Variants in CPVL observed in about 807,000 individuals in gnomAD.
CPVL encodes probable serine carboxypeptidase CPVL.
In CPVL, 51 loss-of-function variants were observed where a neutral mutation model predicts 63.7. The observed-to-expected ratio is 0.80, with a 90% CI of 0.64 to 1.01. The LOEUF (loss-of-function observed/expected upper bound fraction) is 1.01, where lower values mean the gene tolerates loss of function less well. Ranked by LOEUF, CPVL falls within the 50% of genes least tolerant of loss-of-function variation. The pLI, the probability that CPVL is intolerant of heterozygous loss-of-function variation, is 0.00. For missense variants in CPVL, 530 were observed against 573.1 expected (o/e 0.92, Z 0.77); for synonymous variants, 195 against 206.0 (o/e 0.95, Z 0.46).
Position 29,072,426 on chromosome 7 carries a change from G to A in CPVL, c.610-3C>T. 2 of 1,612,528 alleles carry A rather than the reference G, an allele frequency of 1.2e-6. No individual in the cohort carries two copies. Among genetic ancestry groups the A allele is most frequent in the South Asian group, 2.2e-5 (2 of 90,540 alleles). ...GGCACATATTTCCCTGCATAAGACT[G>A]AGAAGGACAGATGTTGAAATGGCCA... On this transcript the variant is annotated splice_region_variant and splice_polypyrimidine_tract_variant and intron_variant, in intron 7 of 12. Coordinates refer to ENST00000265394, the MANE Select transcript of CPVL (RefSeq NM_031311.5).
At chr7:29,039,500 G>C (rs565136162) in intron 11 of CPVL, among the ~76,000 whole-genome samples, 25 of 152,286 alleles carry the variant, frequency 1.6e-4, no homozygotes, top group African/African-American at 6.0e-4. Context: ...GGTGAAAAAA[G>C]AACTCTGTGC....
intron 3 of CPVL, among the ~76,000 whole-genome samples, chr7:29,098,798 C>T (rs894535432): frequency 2.6e-5 from 4 of 152,174 alleles, no homozygotes; most frequent in Non-Finnish European, 5.9e-5. Context: ...CACGGTGGCT[C>T]GTGCCTGTAA....
intron 12 of CPVL, among the ~76,000 whole-genome samples, chr7:29,015,629 A>G (rs904089350): frequency 6.6e-6 from 1 of 152,160 alleles, no homozygotes; most frequent in African/African-American, 2.4e-5. Context: ...CTGTGAGCCA[A>G]TTAAACCTCT....
At chr7:29,172,195 A>G (rs1380362607) in intron 5 of CPVL, among the ~76,000 whole-genome samples, 1 of 152,118 alleles carries the variant, frequency 6.6e-6, no homozygotes, top group Non-Finnish European at 1.5e-5. Context: ...TTAATGGGGC[A>G]TCTTACTGTA....
intron 1 of CPVL, chr7:29,193,285 A>G (rs1476433763): frequency 6.6e-6 from 1 of 152,104 alleles, no homozygotes; most frequent in African/African-American, 2.4e-5. Flanking sequence ...CTAATCAACT[A>G]GAAAATGTGA....
intron 3 of CPVL, among the ~76,000 whole-genome samples, chr7:29,103,181 G>GGGGGGC (rs1554339874): frequency 2.4e-4 from 2 of 8,188 alleles, no homozygotes; most frequent in Admixed American, 2.1e-3. Context: ...TTAATATACT[G>GGGGGGC]GGGGGGGGGG....
chr7:29,013,343 AAAT>A (rs1323092623), intron 12 of CPVL: 1 of 152,094 alleles, frequency 6.6e-6, no homozygotes, highest in African/African-American at 2.4e-5. Flanking sequence ...TATTTGTGAG[AAAT>A]AATAAATTGT....
chr7:29,123,077 C>A (rs1382672576), intron 1 of CPVL, among the ~76,000 whole-genome samples: 2 of 152,114 alleles, frequency 1.3e-5, no homozygotes, highest in Non-Finnish European at 2.9e-5. Context: ...AAGAGATACA[C>A]AATTATGCAA....
At chr7:29,075,542 T>C (rs1190085927) in intron 7 of CPVL, among the ~76,000 whole-genome samples, 1 of 119,510 alleles carries the variant, frequency 8.4e-6, no homozygotes, top group Non-Finnish European at 1.7e-5. Flanking sequence ...AAAAAAGCCA[T>C]CACTGACAGT....
chr7:29,044,185 CAGGAGTTCAAGACCTGAAGTG>C (rs1197219749), intron 11 of CPVL, among the ~76,000 whole-genome samples: 2 of 152,110 alleles, frequency 1.3e-5, no homozygotes, highest in Non-Finnish European at 2.9e-5. Context: ...GAGGCCGAGG[CAGGAGTTCAAGACCTGAAGTG>C]AGGAGTTCAA....
chr7:29,079,885 GTTTAATTTA>G (rs1784536055), intron 7 of CPVL, among the ~76,000 whole-genome samples: 3 of 152,186 alleles, frequency 2.0e-5, no homozygotes, highest in Non-Finnish European at 4.4e-5. Flanking sequence ...ACCCTATTGG[GTTTAATTTA>G]TCAGATCCTT....
intron 11 of CPVL, among the ~76,000 whole-genome samples, chr7:29,048,463 G>C (rs1294455111): frequency 1.3e-5 from 2 of 152,026 alleles, no homozygotes; most frequent in Admixed American, 1.3e-4. Flanking sequence ...AAGAGACAAA[G>C]AAGGACATTA....
At chr7:29,034,605 TC>T (rs1265066958) in intron 11 of CPVL, among the ~76,000 whole-genome samples, 1 of 151,974 alleles carries the variant, frequency 6.6e-6, no homozygotes, top group Non-Finnish European at 1.5e-5. Flanking sequence ...TATGTGTTGT[TC>T]CCCCCATGTG....
At chr7:29,003,051 C>A (rs1784812446) in intron 12 of CPVL, among the ~76,000 whole-genome samples, 1 of 151,818 alleles carries the variant, frequency 6.6e-6, no homozygotes, top group African/African-American at 2.4e-5. Context: ...TTTTGAGAAG[C>A]TCTATGAATC....
chr7:29,139,472 C>T (rs1791609077), intron 1 of CPVL, among the ~76,000 whole-genome samples: 1 of 150,964 alleles, frequency 6.6e-6, no homozygotes. Context: ...GTGCCCTGAA[C>T]CTACACATTT....
At chr7:29,174,054 C>T (rs35691739) in intron 5 of CPVL, among the ~76,000 whole-genome samples, 17,910 of 152,054 alleles carry the variant, frequency 0.12, 1,235 homozygotes, top group African/African-American at 0.18. Context: ...CACACACTCC[C>T]AAGCTTCTCT....
chr7:29,025,179 A>G (rs542371896), intron 12 of CPVL, among the ~76,000 whole-genome samples: 3 of 152,348 alleles, frequency 2.0e-5, no homozygotes, highest in South Asian at 2.1e-4. Flanking sequence ...GCGTTAGGCC[A>G]TTCTGCATCA....
chr7:29,077,220 C>T (rs1784325105), intron 7 of CPVL, among the ~76,000 whole-genome samples: 1 of 152,118 alleles, frequency 6.6e-6, no homozygotes, highest in Admixed American at 6.6e-5. Flanking sequence ...ACAATGTCCT[C>T]TTACAGAAAT....
chr7:29,023,776 T>G (rs1787238194), intron 12 of CPVL, among the ~76,000 whole-genome samples: 1 of 152,046 alleles, frequency 6.6e-6, no homozygotes. Flanking sequence ...TACATTACTG[T>G]GCCCACCCAA....
Sources: allele counts gnomAD v4.1 joint callset (sites outside exome capture counted in the v4.1 genomes callset), GRCh38; gene constraint gnomAD v4.1.1; transcripts MANE v1.5; gene names NCBI Gene and HGNC (gene_info 2026-07-23, HGNC 2026-07-21).